The following WSCD2 variants were observed in gnomAD, a reference collection of about 807,000 sequenced individuals.
WSCD2 encodes WSC domain sialate O sulfotransferase 2.
Under a neutral mutation model 55.7 loss-of-function variants are expected in WSCD2, and 28 were observed. The ratio of observed to expected loss-of-function variants is 0.50; its 90% confidence interval spans 0.37 to 0.69. The LOEUF (loss-of-function observed/expected upper bound fraction) is 0.69, where lower values mean the gene tolerates loss of function less well. Among genes scored for constraint, WSCD2 ranks in the 30% least tolerant of loss-of-function variants. The probability of loss-of-function intolerance (pLI) is 0.00; values close to 1 mark genes in which losing one functional copy is unlikely to be tolerated. For missense variants in WSCD2, 616 were observed against 762.1 expected (o/e 0.81, Z 2.26); for synonymous variants, 301 against 301.9 (o/e 1.00, Z 0.03).
At chr12:108,170,940 G>A (rs1291485840) in intron 1 of WSCD2, among the ~76,000 whole-genome samples, 3 of 152,120 alleles carry the variant, frequency 2.0e-5, no homozygotes, top group Non-Finnish European at 4.4e-5. Flanking sequence ...CTGGGCTAAG[G>A]CTGGGCTCAA....
In WSCD2 at chr12:108,248,907, C is replaced by T; in HGVS notation, c.*564C>T. 7.1e-6 allele frequency: 7 copies of T among 988,686 alleles called. No homozygotes were observed. The highest frequency in any genetic ancestry group is 8.4e-6 in the Non-Finnish European group (7 of 831,702). 61.2% of individuals were successfully genotyped at this position (988,686 alleles called of 1,614,324 possible). On this transcript the variant is annotated 3_prime_UTR_variant, in exon 9 of 9. Coordinates refer to ENST00000547525, the MANE Select transcript of WSCD2 (RefSeq NM_014653.4). This position sits in a 1 kb window ranked among gnomAD's most constrained non-coding sequence, Gnocchi z 4.3. ...TCCGTGGCCTTAGGTTTCTGACATC[C>T]TGGATAGTGTGGGGAGGTAATGGTG...
At chr12:108,231,900 G>A (rs1377843008) in intron 6 of WSCD2, among the ~76,000 whole-genome samples, 1 of 152,144 alleles carries the variant, frequency 6.6e-6, no homozygotes, top group Non-Finnish European at 1.5e-5. Flanking sequence ...GAGACAGGAA[G>A]GGAGGAAGGA....
Position 108,248,635 on chromosome 12 carries a change from A to G in WSCD2, c.*292A>G, listed in dbSNP as rs1182475586. On this transcript the variant is annotated 3_prime_UTR_variant, in exon 9 of 9. Transcript: ENST00000547525. This position sits in a 1 kb window ranked among gnomAD's most constrained non-coding sequence, Gnocchi z 4.3. Reference sequence around the variant, plus strand: ...TGTCTCCTGGGTCCCTGCCCCCACCACTCTGGGTTCCATTTGTGGGAGGGA... The same window carrying G: ...TGTCTCCTGGGTCCCTGCCCCCACCGCTCTGGGTTCCATTTGTGGGAGGGA... 2 of 1,120,922 alleles carry G rather than the reference A, an allele frequency of 1.8e-6. No homozygotes were observed. Among genetic ancestry groups the G allele is most frequent in the African/African-American group, 1.6e-5 (1 of 63,114 alleles). The allele number at this position is 1,120,922 out of a possible 1,614,324, so 69.4% of individuals were successfully genotyped here. A position where few individuals can be genotyped will look rare whatever the true frequency, so the allele number is the denominator to read the frequency against.
intron 8 of WSCD2, among the ~76,000 whole-genome samples, chr12:108,247,408 C>T (rs892469426): frequency 6.6e-6 from 1 of 151,730 alleles, no homozygotes; most frequent in Non-Finnish European, 1.5e-5. Flanking sequence ...ATGGGGTTTG[C>T]CTGGCATATA....
At chr12:108,224,696 C>A (rs1887887840) in intron 4 of WSCD2, 43 bp from the exon 5 acceptor site, 1 of 1,590,764 alleles carries the variant, frequency 6.3e-7, no homozygotes, top group Non-Finnish European at 8.5e-7. Context: ...CCAGATCTGA[C>A]TCCTTGTATA....
intron 1 of WSCD2, among the ~76,000 whole-genome samples, chr12:108,150,601 G>T (rs905891034): frequency 6.6e-6 from 1 of 152,174 alleles, no homozygotes; most frequent in Non-Finnish European, 1.5e-5. Flanking sequence ...CCTGGCCGGA[G>T]CACAGAAGCA....
chr12:108,136,585 T>C (rs561861527), intron 1 of WSCD2, among the ~76,000 whole-genome samples: 17 of 152,276 alleles, frequency 1.1e-4, no homozygotes, highest in South Asian at 2.1e-4. Context: ...CACTGAATCC[T>C]TGTGACAGTC....
chr12:108,135,177 C>T (rs1876054739), intron 1 of WSCD2, among the ~76,000 whole-genome samples: 1 of 152,234 alleles, frequency 6.6e-6, no homozygotes, highest in Non-Finnish European at 1.5e-5. Flanking sequence ...TCCTTCCATG[C>T]ATCCATTCAA....
chr12:108,140,928 C>T (rs1285794682), intron 1 of WSCD2, among the ~76,000 whole-genome samples: 2 of 152,250 alleles, frequency 1.3e-5, no homozygotes, highest in Non-Finnish European at 2.9e-5. Context: ...GTCCTGCGGC[C>T]CCTTCGCTCC....
chr12:108,205,101 C>T lies in WSCD2; in HGVS notation c.383-1188C>T, dbSNP rs77536348. Among the ~76,000 whole-genome samples the T allele has an allele frequency of 5.8e-3, 888 of 152,188 alleles. 5 individuals are homozygous for T. The highest frequency in any genetic ancestry group is 0.02 in the African/African-American group (850 of 41,526). On this transcript the variant is annotated intron_variant, in intron 2 of 8. Transcript: ENST00000547525. ...GGGAGGCCACTTCACCTTTCTGGGC[C>T]GCTGTTAAATCATCTAAGATAAGAG...
chr12:108,195,793 C>A lies in WSCD2; in HGVS notation c.-40C>A. The A allele has an allele frequency of 6.4e-7, 1 of 1,561,916 alleles. No individual in the cohort carries two copies. Among genetic ancestry groups the A allele is most frequent in the Non-Finnish European group, 8.7e-7 (1 of 1,152,202 alleles). On this transcript the variant is annotated 5_prime_UTR_variant, in exon 2 of 9. Transcript: ENST00000547525. ...CCCCTTCCATCCTCTCCCAAGCACCCCAGCCAAGCCCCAGAGAGCCAGTCC... is the reference window on the plus strand; with the variant it reads ...CCCCTTCCATCCTCTCCCAAGCACCACAGCCAAGCCCCAGAGAGCCAGTCC...
chr12:108,234,143 A>C (rs1889056863), intron 7 of WSCD2, among the ~76,000 whole-genome samples: 1 of 152,222 alleles, frequency 6.6e-6, no homozygotes, highest in African/African-American at 2.4e-5. Flanking sequence ...TGAGCTAAAA[A>C]TAAAATAAAA....
chr12:108,154,098 C>T (rs944948491), intron 1 of WSCD2, among the ~76,000 whole-genome samples: 59 of 152,294 alleles, frequency 3.9e-4, no homozygotes, highest in Middle Eastern at 3.4e-3. Context: ...GGTCAGGGCC[C>T]CCTGAGTGTC....
At chr12:108,130,462 A>C (rs1328315598) in intron 1 of WSCD2, among the ~76,000 whole-genome samples, 1 of 147,888 alleles carries the variant, frequency 6.8e-6, no homozygotes, top group Non-Finnish European at 1.5e-5. Flanking sequence ...AGATTTGCTT[A>C]TGTCCATTCT....
At chr12:108,239,435 CTA>C (rs1292876503) in intron 7 of WSCD2, among the ~76,000 whole-genome samples, 1 of 152,228 alleles carries the variant, frequency 6.6e-6, no homozygotes, top group African/African-American at 2.4e-5. Flanking sequence ...CATGTCTATT[CTA>C]TGTGTCTGTC....
At chr12:108,155,759 G>A (rs1878446879) in intron 1 of WSCD2, among the ~76,000 whole-genome samples, 1 of 152,186 alleles carries the variant, frequency 6.6e-6, no homozygotes, top group African/African-American at 2.4e-5. Context: ...TATGCAAAGA[G>A]CACAGCCCAG....
At chr12:108,216,258 A>G (rs572173780) in intron 4 of WSCD2, among the ~76,000 whole-genome samples, 1 of 152,250 alleles carries the variant, frequency 6.6e-6, no homozygotes, top group Non-Finnish European at 1.5e-5. Context: ...CCTACAAAAT[A>G]GGATAATAAT....
At chr12:108,243,702 T>C (rs1443383707) in intron 8 of WSCD2, among the ~76,000 whole-genome samples, 2 of 152,208 alleles carry the variant, frequency 1.3e-5, no homozygotes, top group Non-Finnish European at 1.5e-5. Context: ...CCAGGCTTCC[T>C]GGATCAGAAT....
At position 108,163,412 on chromosome 12, in the gene WSCD2, T is replaced by C. The variant is rs1444909177; in HGVS notation, c.-551-31870T>C. Among the ~76,000 whole-genome samples the C allele has an allele frequency of 3.3e-5, 5 of 152,086 alleles. No individual in the cohort carries two copies. The South Asian group carries it at 6.2e-4, about 19-fold the overall frequency. On this transcript the variant is annotated intron_variant, in intron 1 of 8. Transcript: ENST00000547525. ...AATTAAAAAAGAAAGAAAAAGTCTA[T>C]ACCATTCTTCTTTCTAAGTGTGGTG...
Sources: gnomAD v4.1 joint callset for allele counts (sites outside exome capture counted in the v4.1 genomes callset) on GRCh38, gnomAD v4.1.1 for gene constraint, Gnocchi (gnomAD v3.1) non-coding constraint, MANE v1.5 for transcripts, NCBI Gene and HGNC (gene_info 2026-07-23, HGNC 2026-07-21) for gene names.